The following AXDND1 variants were observed in gnomAD, a reference collection of about 807,000 sequenced individuals.
The protein encoded by AXDND1 is axonemal dynein light chain domain-containing protein 1.
AXDND1 carries 110 observed loss-of-function variants against 137.5 expected under a neutral mutation model. The ratio of observed to expected loss-of-function variants is 0.80; its 90% CI spans 0.69 to 0.94. AXDND1 has a LOEUF of 0.94. Among genes scored for constraint, AXDND1 ranks in the 40% least tolerant of loss-of-function variants. AXDND1 has a pLI of 0.00. For synonymous variants in AXDND1, 414 were observed against 399.7 expected (o/e 1.04, Z -0.43); for missense variants, 1,191 against 1,169.8 (o/e 1.02, Z -0.26).
chr1:179,422,775 T>G (rs12408443), intron 12 of AXDND1, among the ~76,000 whole-genome samples: 1 of 151,894 alleles, frequency 6.6e-6, no homozygotes, highest in South Asian at 2.1e-4. Context: ...CCCCTTTTTT[T>G]TTCTTTGAGA....
chr1:179,549,125 A>G (rs1410589), intron 25 of AXDND1, among the ~76,000 whole-genome samples: 30,806 of 152,032 alleles, frequency 0.2, 3,806 homozygotes, highest in Non-Finnish European at 0.27. Flanking sequence ...TTATCAGGAA[A>G]AAAAAAACTA....
chr1:179,447,891 A>G, intron 16 of AXDND1: 1 of 1,361,862 alleles, frequency 7.3e-7, no homozygotes, highest in South Asian at 1.2e-5. Context: ...CAGGGGACAC[A>G]TTTCTATGTA....
chr1:179,384,748 A>G (rs1321755688), intron 8 of AXDND1, among the ~76,000 whole-genome samples: 3 of 151,234 alleles, frequency 2.0e-5, no homozygotes, highest in Admixed American at 6.6e-5. Context: ...TTTTCAGTGC[A>G]TCAGATAAAG....
Position 179,501,201 on chromosome 1 carries a change from A to G in AXDND1, c.2389-8095A>G, listed in dbSNP as rs1474333484. The stretch of plus-strand genomic sequence containing the variant: ...CTCTAAAAGCTGTTTTGGATATTCA[A>G]AGAACCAAGAATAGCTAACACACTT... On this transcript the variant is annotated intron_variant, in intron 20 of 25. Coordinates refer to ENST00000367618, the MANE Select transcript of AXDND1 (RefSeq NM_144696.6). 3.3e-5 allele frequency among the ~76,000 whole-genome samples: 5 copies of G among 152,180 alleles called. No individual in the cohort carries two copies. In the East Asian group the frequency reaches 9.6e-4, roughly 29 times the overall value.
chr1:179,525,546 G>A (rs1254234799), intron 22 of AXDND1, 99 bp downstream of exon 22: 1 of 1,361,280 alleles, frequency 7.3e-7, no homozygotes. Context: ...ACCCAGGTTG[G>A]AGTGCTGTGG....
At chr1:179,432,692 T>C (rs554238930) in intron 15 of AXDND1, among the ~76,000 whole-genome samples, 1 of 152,090 alleles carries the variant, frequency 6.6e-6, no homozygotes, top group African/African-American at 2.4e-5. Flanking sequence ...TCCCAAAGTG[T>C]TGGGATTACA....
chr1:179,372,669 A>G (rs557945622), intron 4 of AXDND1, among the ~76,000 whole-genome samples: 1 of 152,260 alleles, frequency 6.6e-6, no homozygotes, highest in South Asian at 2.1e-4. Flanking sequence ...GAAACAAAAC[A>G]TATCTCTAAT....
Position 179,369,916 on chromosome 1 carries a change from C to G in AXDND1, c.271-59C>G, listed in dbSNP as rs74475028. ...CAGTACTTACTCAAAACTATTAATA[C>G]ATTTTATTTGATTAGATCGCCCTCT... On this transcript the variant is annotated intron_variant, in intron 3 of 25. Transcript: ENST00000367618. 8,946 of 1,316,232 alleles carry G rather than the reference C, an allele frequency of 6.8e-3. 253 individuals are homozygous for G. The Admixed American group carries it at 0.073, about 11-fold the overall frequency. 81.5% of individuals were successfully genotyped at this position (1,316,232 alleles called of 1,614,324 possible).
chr1:179,368,729 G>T, intron 2 of AXDND1, 71 bp from the exon 3 acceptor site: 1 of 1,217,336 alleles, frequency 8.2e-7, no homozygotes. Flanking sequence ...GATTGATGAG[G>T]CAGTCTGAGA....
intron 17 of AXDND1, among the ~76,000 whole-genome samples, chr1:179,480,186 T>G (rs1315553331): frequency 6.6e-6 from 1 of 152,204 alleles, no homozygotes; most frequent in East Asian, 1.9e-4. Context: ...TAGTCCATTC[T>G]CATGCTGCTG....
intron 12 of AXDND1, among the ~76,000 whole-genome samples, chr1:179,426,762 T>C (rs1245312964): frequency 6.6e-6 from 1 of 152,228 alleles, no homozygotes; most frequent in East Asian, 1.9e-4. Context: ...ATGTTGTAGA[T>C]ATATATGTAT....
chr1:179,537,527 A>G (rs1225086560), intron 25 of AXDND1, among the ~76,000 whole-genome samples: 2 of 152,238 alleles, frequency 1.3e-5, no homozygotes, highest in African/African-American at 2.4e-5. Flanking sequence ...CCAGCCTTGC[A>G]TCCCAGGGAT....
intron 12 of AXDND1, among the ~76,000 whole-genome samples, chr1:179,419,440 C>T (rs559080285): frequency 2.0e-5 from 3 of 149,012 alleles, no homozygotes; most frequent in East Asian, 2.0e-4. Context: ...AGCGAAACCC[C>T]GTCTCCACCA....
intron 15 of AXDND1, among the ~76,000 whole-genome samples, chr1:179,444,211 T>C (rs146985280): frequency 9.2e-5 from 14 of 152,260 alleles, no homozygotes; most frequent in African/African-American, 2.6e-4. Context: ...ATATATTATC[T>C]TACTTACTCT....
At chr1:179,369,232 C>T (rs964382702) in intron 3 of AXDND1, among the ~76,000 whole-genome samples, 1 of 152,038 alleles carries the variant, frequency 6.6e-6, no homozygotes, top group Non-Finnish European at 1.5e-5. Context: ...TCTGTGCCAC[C>T]ACACCTGGCT....
chr1:179,417,913 C>G (rs995083928), intron 12 of AXDND1, among the ~76,000 whole-genome samples: 13 of 150,620 alleles, frequency 8.6e-5, no homozygotes, highest in African/African-American at 3.2e-4. Context: ...TTGTATAGAT[C>G]TTTTACTTCT....
intron 23 of AXDND1, among the ~76,000 whole-genome samples, chr1:179,531,753 C>T (rs1008365127): frequency 6.6e-6 from 1 of 152,106 alleles, no homozygotes; most frequent in African/African-American, 2.4e-5. Context: ...CATAGAGATG[C>T]AACCCAAAGC....
chr1:179,551,369 A>C, intron 25 of AXDND1: 1 of 1,614,102 alleles, frequency 6.2e-7, no homozygotes, highest in Non-Finnish European at 8.5e-7. Context: ...TCGAAGCTGA[A>C]CGGCAGCAGG....
At position 179,501,128 on chromosome 1, in the gene AXDND1, T is replaced by C. The variant is rs116744449; in HGVS notation, c.2389-8168T>C. On this transcript the variant is annotated intron_variant, in intron 20 of 25. Transcript: ENST00000367618. ...TTCTATTAAACAGCACTAATCTAGG[T>C]GTCACAATCAAGTTTCCAACAGTTT... 4.0e-3 allele frequency among the ~76,000 whole-genome samples: 614 copies of C among 152,326 alleles called. 5 individuals carry two copies. Among genetic ancestry groups the C allele is most frequent in the African/African-American group, 0.014 (592 of 41,572 alleles).
Sources: gnomAD v4.1 joint callset for allele counts (sites outside exome capture counted in the v4.1 genomes callset) on GRCh38, gnomAD v4.1.1 for gene constraint, MANE v1.5 for transcripts, NCBI Gene and HGNC (gene_info 2026-07-23, HGNC 2026-07-21) for gene names.